Variants in CCNY observed in about 807,000 individuals in gnomAD.
The protein encoded by CCNY is cyclin-Y.
A neutral mutation model predicts 42.8 loss-of-function variants in CCNY; 19 were observed. The ratio of observed to expected loss-of-function variants is 0.44; its 90% confidence interval spans 0.31 to 0.65. CCNY has a LOEUF of 0.65. Ranked by LOEUF, CCNY falls within the 30% of genes least tolerant of loss-of-function variation. CCNY has a pLI of 0.07. For missense variants in CCNY, 370 were observed against 437.3 expected, an observed-to-expected ratio of 0.85 and a Z score of 1.37; for synonymous variants, 165 against 162.7, an observed-to-expected ratio of 1.01 and a Z score of -0.11.
intron 7 of CCNY, among the ~76,000 whole-genome samples, chr10:35,536,276 A>G (rs1840885449): frequency 6.6e-6 from 1 of 152,148 alleles, no homozygotes; most frequent in African/African-American, 2.4e-5. Flanking sequence ...ACCCTCCGCC[A>G]TGATTCTAAG....
At chr10:35,252,952 G>A (rs2095712985) in intron 3 of CCNY, among the ~76,000 whole-genome samples, 2 of 152,134 alleles carry the variant, frequency 1.3e-5, no homozygotes, top group East Asian at 1.9e-4. Flanking sequence ...TTAACTATGA[G>A]GTTAAAAAAA....
chr10:35,446,010 T>C (rs1838782901), intron 1 of CCNY, among the ~76,000 whole-genome samples: 1 of 152,218 alleles, frequency 6.6e-6, no homozygotes, highest in African/African-American at 2.4e-5. Context: ...AGAAAAGTCG[T>C]TGGGCAGATC....
intron 3 of CCNY, among the ~76,000 whole-genome samples, chr10:35,270,689 T>G (rs1835153102): frequency 6.6e-6 from 1 of 151,552 alleles, no homozygotes; most frequent in African/African-American, 2.4e-5. Flanking sequence ...TCTCTACCCC[T>G]TTTCGCAATT....
intron 1 of CCNY, among the ~76,000 whole-genome samples, chr10:35,467,888 A>G (rs569272227): frequency 6.6e-6 from 1 of 152,226 alleles, no homozygotes; most frequent in Admixed American, 6.5e-5. Context: ...ACAATGCCTA[A>G]CTCTGTTCTC....
chr10:35,282,073 T>G (rs1180554745), intron 3 of CCNY, among the ~76,000 whole-genome samples: 1 of 149,762 alleles, frequency 6.7e-6, no homozygotes, highest in Non-Finnish European at 1.5e-5. Flanking sequence ...CTTCATTACC[T>G]ACTCCTCATT....
chr10:35,551,319 C>G (rs954297557), intron 7 of CCNY, among the ~76,000 whole-genome samples: 1 of 152,172 alleles, frequency 6.6e-6, no homozygotes, highest in African/African-American at 2.4e-5. Flanking sequence ...AACAAAAAAC[C>G]TTTCCCATTC....
At chr10:35,565,678 C>T (rs995794848) in intron 8 of CCNY, among the ~76,000 whole-genome samples, 1 of 152,226 alleles carries the variant, frequency 6.6e-6, no homozygotes, top group African/African-American at 2.4e-5. Context: ...CTGGACTCCA[C>T]GTGGCAGCTC....
intron 1 of CCNY, among the ~76,000 whole-genome samples, chr10:35,359,683 C>T (rs1836640147): frequency 6.6e-6 from 1 of 152,082 alleles, no homozygotes; most frequent in South Asian, 2.1e-4. Context: ...TAGGCACATT[C>T]ACATTGCTGT....
intron 2 of CCNY, among the ~76,000 whole-genome samples, chr10:35,489,101 C>T: frequency 6.6e-6 from 1 of 152,116 alleles, no homozygotes; most frequent in African/African-American, 2.4e-5. Context: ...AACAGTGAAA[C>T]CCTGTCTCTA....
chr10:35,446,860 C>G (rs1464268167), intron 1 of CCNY, among the ~76,000 whole-genome samples: 2 of 152,154 alleles, frequency 1.3e-5, no homozygotes, highest in Non-Finnish European at 2.9e-5. Context: ...CTGACAGTTT[C>G]AAAATTGCAT....
intron 3 of CCNY, among the ~76,000 whole-genome samples, chr10:35,325,835 T>G (rs959949550): frequency 1.3e-5 from 2 of 152,114 alleles, no homozygotes; most frequent in South Asian, 4.2e-4. Context: ...TCCCAAAACT[T>G]TGGGAAGCCA....
At chr10:35,295,357 G>A (rs568130422) in intron 3 of CCNY, among the ~76,000 whole-genome samples, 100 of 151,460 alleles carry the variant, frequency 6.6e-4, no homozygotes, top group Non-Finnish European at 1.1e-3. Context: ...TCAGCCTCCC[G>A]AGTAGCTGGG....
chr10:35,271,553 A>T (rs145322678), intron 3 of CCNY, among the ~76,000 whole-genome samples: 1 of 152,150 alleles, frequency 6.6e-6, no homozygotes, highest in African/African-American at 2.4e-5. Context: ...ATTTTACCAG[A>T]GCCTAACCTG....
chr10:35,432,965 G>T (rs113498643), intron 1 of CCNY, among the ~76,000 whole-genome samples: 3,263 of 152,242 alleles, frequency 0.021, 106 homozygotes, highest in African/African-American at 0.071. Context: ...CTAGACTAAC[G>T]TGCCATTAGC....
intron 7 of CCNY, among the ~76,000 whole-genome samples, chr10:35,540,524 A>G: frequency 6.6e-6 from 1 of 151,672 alleles, no homozygotes; most frequent in Admixed American, 6.6e-5. Flanking sequence ...TATCAGGGTA[A>G]TAGTAGCCTC....
At chr10:35,342,246 A>G (rs1412664189) in intron 1 of CCNY, among the ~76,000 whole-genome samples, 6 of 152,180 alleles carry the variant, frequency 3.9e-5, no homozygotes, top group Admixed American at 2.0e-4. Context: ...AGTCTCTACA[A>G]TCTATTTAAC....
chr10:35,498,257 C>G (rs1840041165), intron 2 of CCNY, among the ~76,000 whole-genome samples: 1 of 152,164 alleles, frequency 6.6e-6, no homozygotes, highest in Admixed American at 6.5e-5. Context: ...ACCAAAGTTC[C>G]AGACTCCCAG....
At chr10:35,433,889 C>T (rs989300495) in intron 1 of CCNY, among the ~76,000 whole-genome samples, 4 of 152,182 alleles carry the variant, frequency 2.6e-5, no homozygotes, top group Non-Finnish European at 5.9e-5. Flanking sequence ...GGATTACAGG[C>T]GTGAGCCACT....
chr10:35,269,300 T>TCCTG (rs1399549743), intron 3 of CCNY, among the ~76,000 whole-genome samples: 1 of 130,388 alleles, frequency 7.7e-6, no homozygotes, highest in East Asian at 2.3e-4. Context: ...CTTCCTTCCT[T>TCCTG]CCTTCCTGCT....
Sources: gnomAD v4.1 joint callset for allele counts (sites outside exome capture counted in the v4.1 genomes callset) on GRCh38, gnomAD v4.1.1 for gene constraint, MANE v1.5 for transcripts, NCBI Gene and HGNC (gene_info 2026-07-23, HGNC 2026-07-21) for gene names.